The following ANO1 variants were observed in gnomAD, a reference collection of about 807,000 sequenced individuals.
The protein encoded by ANO1 is anoctamin 1.
In ANO1, 59 loss-of-function variants were observed where a neutral mutation model predicts 124.0. The observed-to-expected ratio is 0.48, with a 90% CI of 0.39 to 0.59. The LOEUF (loss-of-function observed/expected upper bound fraction) is 0.59, where lower values mean the gene tolerates loss of function less well. ANO1 is among the 20% of genes least tolerant of loss of function. ANO1 has a pLI of 0.00. For synonymous variants in ANO1, 529 were observed against 532.0 expected, an observed-to-expected ratio of 0.99 and a Z score of 0.08; for missense variants, 1,059 against 1,328.0, an observed-to-expected ratio of 0.80 and a Z score of 3.15.
chr11:70,010,179 GTATA>G lies in ANO1; in HGVS notation c.58+24029_58+24032del, dbSNP rs71926266. On this transcript the variant is annotated intron_variant, in intron 1 of 27. Transcript: ENST00000531349. ...TGTGTGTGTGTGCGCGTGTGTGTGT[GTATA>G]TATATATATATATATCACATTTTCT... Among the ~76,000 whole-genome samples, 18 of 83,786 alleles carry G rather than the reference GTATA, an allele frequency of 2.1e-4. 2 individuals carry two copies. Among genetic ancestry groups the G allele is most frequent in the Admixed American group, 5.0e-4 (4 of 7,938 alleles). 55.0% of individuals were successfully genotyped at this position (83,786 alleles called of 152,430 possible). A position where few individuals can be genotyped will look rare whatever the true frequency, so the allele number is the denominator to read the frequency against.
upstream of ANO1, chr11:70,075,108 A>G (rs2044042156): frequency 6.6e-6 from 1 of 152,188 alleles, no homozygotes; most frequent in African/African-American, 2.4e-5. Context: ...TGTCTCCATA[A>G]TTTGGGGCAC....
chr11:70,090,534 G>A (rs993566346), intron 2 of ANO1, among the ~76,000 whole-genome samples: 2 of 152,218 alleles, frequency 1.3e-5, no homozygotes, highest in Non-Finnish European at 2.9e-5. Flanking sequence ...CCTTTGCAAA[G>A]TGCTTAATTC....
At chr11:69,979,504 A>G in the ANO1 span, among the ~76,000 whole-genome samples, 1 of 152,198 alleles carries the variant, frequency 6.6e-6, no homozygotes, top group African/African-American at 2.4e-5. Context: ...TTCATACTTC[A>G]TACGAATGAG....
chr11:70,154,355 G>A (rs181969837), intron 14 of ANO1, among the ~76,000 whole-genome samples: 1 of 152,050 alleles, frequency 6.6e-6, no homozygotes, highest in East Asian at 1.9e-4. Flanking sequence ...CATCTGGAGG[G>A]TAAAGTGGGT....
chr11:70,020,034 G>A (rs1856772196), intron 1 of ANO1, among the ~76,000 whole-genome samples: 1 of 152,220 alleles, frequency 6.6e-6, no homozygotes, highest in Non-Finnish European at 1.5e-5. Flanking sequence ...CCAAGGTTGG[G>A]GAGAGGCCAG....
At chr11:70,083,001 G>A (rs2044248920) in intron 1 of ANO1, among the ~76,000 whole-genome samples, 1 of 152,118 alleles carries the variant, frequency 6.6e-6, no homozygotes, top group Non-Finnish European at 1.5e-5. Context: ...TCAGGCGCTG[G>A]GACTCCCACA....
At chr11:70,034,915 T>C (rs1857067801) in intron 1 of ANO1, among the ~76,000 whole-genome samples, 1 of 151,538 alleles carries the variant, frequency 6.6e-6, no homozygotes, top group Non-Finnish European at 1.5e-5. Flanking sequence ...ATTTGCTGTA[T>C]TGACAAACTA....
At chr11:70,175,525 C>CGTCCA (rs781537432) in intron 22 of ANO1, among the ~76,000 whole-genome samples, 1 of 152,216 alleles carries the variant, frequency 6.6e-6, no homozygotes, top group Non-Finnish European at 1.5e-5. Context: ...ATCACCCTGT[C>CGTCCA]GTCCAGCGGG....
chr11:69,973,063 C>A, the ANO1 span, among the ~76,000 whole-genome samples: 1 of 152,200 alleles, frequency 6.6e-6, no homozygotes, highest in African/African-American at 2.4e-5. Flanking sequence ...GCGTGTGCCA[C>A]CACACCCAGA....
intron 22 of ANO1, among the ~76,000 whole-genome samples, chr11:70,179,105 C>T (rs77012828): frequency 0.011 from 1,654 of 152,338 alleles, 32 homozygotes; most frequent in African/African-American, 0.037. Flanking sequence ...ATGTACAGCT[C>T]TCCCTGTAGC....
At chr11:70,153,920 C>T (rs2047703778) in intron 14 of ANO1, among the ~76,000 whole-genome samples, 2 of 152,092 alleles carry the variant, frequency 1.3e-5, no homozygotes, top group African/African-American at 2.4e-5. Context: ...CGCGTACCAC[C>T]GTGTCCAGCT....
the ANO1 span, among the ~76,000 whole-genome samples, chr11:69,969,861 C>T: frequency 6.6e-6 from 1 of 152,094 alleles, no homozygotes; most frequent in Non-Finnish European, 1.5e-5. Flanking sequence ...GCAGGAGAAT[C>T]GCTTGAACCT....
At chr11:69,981,333 G>A (rs1279952170), upstream of ANO1, among the ~76,000 whole-genome samples, 7 of 152,206 alleles carry the variant, frequency 4.6e-5, no homozygotes, top group Admixed American at 3.9e-4. Flanking sequence ...TTCCTTATCT[G>A]TAAAGTAGGA....
intron 18 of ANO1, 91 bp from the exon 19 acceptor site, chr11:70,163,192 C>G: frequency 7.2e-7 from 1 of 1,386,194 alleles, no homozygotes. Flanking sequence ...GCCTGCAGGA[C>G]TCACACGCTG....
At chr11:70,023,152 G>A (rs1328328477) in intron 1 of ANO1, among the ~76,000 whole-genome samples, 2 of 152,228 alleles carry the variant, frequency 1.3e-5, no homozygotes, top group East Asian at 3.9e-4. Context: ...ATCATGTGCT[G>A]TTTTAAGCCA....
At position 70,125,736 on chromosome 11, in the gene ANO1, C is replaced by T. The variant is rs527982582; in HGVS notation, c.963-325C>T. Among the ~76,000 whole-genome samples the T allele has an allele frequency of 1.0e-4, 15 of 147,464 alleles. No homozygotes were observed. In the South Asian group the frequency reaches 3.0e-3, roughly 30 times the overall value. On this transcript the variant is annotated intron_variant, in intron 9 of 25. Transcript: ENST00000355303. ...GCGGGCTCCTGTAGTCCCAGCTACT[C>T]GGGAGGCTGAGGCAGGAGAATGGCG...
chr11:70,058,205 G>A (rs782161045), intron 1 of ANO1, among the ~76,000 whole-genome samples: 56 of 152,208 alleles, frequency 3.7e-4, no homozygotes, highest in Admixed American at 2.9e-3. Flanking sequence ...AAAGGGCTAA[G>A]AATTGGGAGG....
At chr11:70,131,683 C>T (rs2046765476) in intron 10 of ANO1, among the ~76,000 whole-genome samples, 1 of 152,230 alleles carries the variant, frequency 6.6e-6, no homozygotes, top group African/African-American at 2.4e-5. Context: ...TGAGGCCCTG[C>T]TGAGCTCAGG....
chr11:70,102,326 G>A (rs1000610138), intron 2 of ANO1, among the ~76,000 whole-genome samples: 5 of 152,276 alleles, frequency 3.3e-5, no homozygotes, highest in Non-Finnish European at 5.9e-5. Context: ...TGATGGAGTC[G>A]GTTCTCATGA....
Sources: gnomAD v4.1 joint callset for allele counts (sites outside exome capture counted in the v4.1 genomes callset) on GRCh38, gnomAD v4.1.1 for gene constraint, MANE v1.5 for transcripts, NCBI Gene and HGNC (gene_info 2026-07-23, HGNC 2026-07-21) for gene names.